Variants in TPM1 observed in about 807,000 individuals in gnomAD.
TPM1 encodes tropomyosin alpha-1 chain.
TPM1 carries 24 observed loss-of-function variants against 42.9 expected under a neutral mutation model. The ratio of observed to expected loss-of-function variants is 0.56; its 90% CI spans 0.41 to 0.79. The LOEUF is 0.79. TPM1 is among the 30% of genes least tolerant of loss of function. TPM1 has a pLI of 0.00. For synonymous variants in TPM1, 136 were observed against 130.1 expected, an observed-to-expected ratio of 1.05 and a Z score of -0.31; for missense variants, 158 against 351.8, an observed-to-expected ratio of 0.45 and a Z score of 4.41.
chr15:63,053,983 G>GT (rs574436453), intron 2 of TPM1, among the ~76,000 whole-genome samples: 2,206 of 148,504 alleles, frequency 0.015, 55 homozygotes, highest in African/African-American at 0.051. Flanking sequence ...CCAGCTGAAA[G>GT]TTTTTTTTTT....
At chr15:63,048,787 C>CG (rs2033131771) in intron 2 of TPM1, 1 of 1,492,052 alleles carries the variant, frequency 6.7e-7, no homozygotes, top group East Asian at 2.6e-5. Context: ...CCTGCTTCCC[C>CG]CCCCGCAGGC....
In TPM1 at chr15:63,064,941, T is replaced by C; in HGVS notation, c.851+799T>C. 4 of 961,264 alleles carry C rather than the reference T, an allele frequency of 4.2e-6. No individual in the cohort carries two copies. The South Asian group carries it at 1.9e-4, about 46-fold the overall frequency. 59.5% of individuals were successfully genotyped at this position (961,264 alleles called of 1,614,324 possible). On this transcript the variant is annotated intron_variant, in intron 9 of 9. Coordinates refer to ENST00000403994, the MANE Select transcript of TPM1 (RefSeq NM_001018005.2). ...GAGATCGCACCACCGCACTCCAGCC[T>C]GGACGACAGAGCGAGACTCTGTCTC...
At chr15:63,045,513 C>T (rs2032210149) in intron 2 of TPM1, 1 of 152,154 alleles carries the variant, frequency 6.6e-6, no homozygotes, top group Non-Finnish European at 1.5e-5. Context: ...TGCCTGCCTC[C>T]CGCAAATTCT....
intron 1 of TPM1, 178 bp from the exon 2 acceptor site, chr15:63,043,849 C>T (rs1422513378): frequency 6.5e-7 from 1 of 1,548,700 alleles, no homozygotes; most frequent in Non-Finnish European, 8.7e-7. Context: ...GGGCGCGCGG[C>T]ACGGCGTGGC....
intron 2 of TPM1, among the ~76,000 whole-genome samples, chr15:63,052,345 A>T (rs772145289): frequency 6.6e-6 from 1 of 152,170 alleles, no homozygotes; most frequent in East Asian, 1.9e-4. Context: ...CAACATGGCA[A>T]AATCCCATCT....
chr15:63,061,214 G>A, intron 5 of TPM1: 1 of 1,614,178 alleles, frequency 6.2e-7, no homozygotes, highest in Non-Finnish European at 8.5e-7. Context: ...CCGACAGCTG[G>A]AAGAACAATT....
chr15:63,057,653 CAAAT>C (rs1046793690), intron 3 of TPM1, among the ~76,000 whole-genome samples: 11 of 152,282 alleles, frequency 7.2e-5, no homozygotes, highest in Admixed American at 5.2e-4. Flanking sequence ...CACATGCACA[CAAAT>C]AGTCAGATGC....
At chr15:63,050,578 G>A (rs1441252344) in intron 2 of TPM1, among the ~76,000 whole-genome samples, 2 of 152,240 alleles carry the variant, frequency 1.3e-5, no homozygotes, top group African/African-American at 4.8e-5. Flanking sequence ...GTTGGCTAAA[G>A]ATAGTACTTT....
chr15:63,054,931 A>G (rs1393629708), intron 2 of TPM1, among the ~76,000 whole-genome samples: 1 of 152,124 alleles, frequency 6.6e-6, no homozygotes, highest in Non-Finnish European at 1.5e-5. Context: ...CAAAAGGAAT[A>G]GAATTTTACT....
chr15:63,048,453 A>C (rs1184248188), intron 2 of TPM1: 9 of 1,359,678 alleles, frequency 6.6e-6, no homozygotes, highest in Middle Eastern at 2.7e-4. Flanking sequence ...CCGCCATCGC[A>C]CAGAGAGGCC....
chr15:63,062,653 C>T lies in TPM1; in HGVS notation c.772+8C>T, dbSNP rs1331639399. 1.9e-6 allele frequency: 3 copies of T among 1,614,180 alleles called. No homozygotes were observed. The highest frequency in any genetic ancestry group is 1.1e-5 in the South Asian group (1 of 91,082). ...GCATTGATGACTTAGAAGGTAAGAT[C>T]TTAAGTAGTGTTTTTAGTTTAATCC... On this transcript the variant is annotated splice_region_variant and intron_variant, in intron 8 of 9. Coordinates refer to ENST00000403994, the MANE Select transcript of TPM1 (RefSeq NM_001018005.2).
downstream of TPM1, chr15:63,070,290 GTA>G (rs1555411993): frequency 3.7e-3 from 1,819 of 495,654 alleles, 2 homozygotes; most frequent in Middle Eastern, 6.6e-3. Context: ...CTTTAAGTAT[GTA>G]TATATATATA....
chr15:63,064,224 C>A, intron 9 of TPM1, 82 bp downstream of exon 9: 2 of 1,562,634 alleles, frequency 1.3e-6, no homozygotes, highest in African/African-American at 1.4e-5. Flanking sequence ...TCCTTGCTCC[C>A]TAATCTCCAT....
intron 2 of TPM1, chr15:63,046,410 A>G (rs1208345242): frequency 6.6e-6 from 1 of 152,254 alleles, no homozygotes; most frequent in Non-Finnish European, 1.5e-5. Flanking sequence ...CTGAGGTGGA[A>G]TCGTATTACC....
intron 2 of TPM1, chr15:63,048,268 C>G (rs1485471697): frequency 7.1e-6 from 4 of 562,488 alleles, no homozygotes; most frequent in East Asian, 1.2e-4. Context: ...TCACCAGGTA[C>G]CCCCGCAGCG....
chr15:63,061,973 A>G (rs1246565492), intron 6 of TPM1, 185 bp downstream of exon 6: 3 of 676,306 alleles, frequency 4.4e-6, no homozygotes, highest in Non-Finnish European at 7.7e-6. Flanking sequence ...TGTTAGGGAT[A>G]TGAGGCATCA....
At chr15:63,070,986 T>C, downstream of TPM1, 2 of 1,584,080 alleles carry the variant, frequency 1.3e-6, no homozygotes, top group Non-Finnish European at 1.7e-6. Flanking sequence ...GTTCTAATCA[T>C]CTCATCCTGT....
chr15:63,043,880 C>G, intron 1 of TPM1, 147 bp from the exon 2 acceptor site: 1 of 1,550,660 alleles, frequency 6.4e-7, no homozygotes. Context: ...CTAACTCTTT[C>G]TCTTTCTCTC....
intron 2 of TPM1, chr15:63,048,617 C>T: frequency 6.5e-7 from 1 of 1,535,482 alleles, no homozygotes; most frequent in Non-Finnish European, 8.8e-7. Flanking sequence ...GCAGGAAGAT[C>T]CGGAGCCTGC....
Sources: allele counts gnomAD v4.1 joint callset (sites outside exome capture counted in the v4.1 genomes callset), GRCh38; gene constraint gnomAD v4.1.1; transcripts MANE v1.5; gene names NCBI Gene and HGNC (gene_info 2026-07-23, HGNC 2026-07-21).